ABCA13: variants seen among roughly 807,000 people sequenced by gnomAD.
ABCA13 encodes the protein ATP-binding cassette sub-family A member 13.
Under a neutral mutation model 478.7 loss-of-function variants are expected in ABCA13, and 476 were observed. The observed-to-expected ratio is 0.99, with a 90% CI of 0.92 to 1.07. The LOEUF is 1.07. Among genes scored for constraint, ABCA13 ranks in the 50% least tolerant of loss-of-function variants. ABCA13 has a pLI of 0.00. For missense variants in ABCA13, 6,060 were observed against 5,910.6 expected (o/e 1.03, Z -0.83); for synonymous variants, 2,252 against 2,158.9 (o/e 1.04, Z -1.20).
chr7:48,529,162 C>T (rs1423634612), intron 55 of ABCA13, among the ~76,000 whole-genome samples: 3 of 152,170 alleles, frequency 2.0e-5, no homozygotes, highest in African/African-American at 7.2e-5. Context: ...ATGTTTCTCT[C>T]TACTGCAAGA....
intron 19 of ABCA13, among the ~76,000 whole-genome samples, chr7:48,285,119 C>T (rs1019427197): frequency 5.9e-5 from 9 of 152,088 alleles, no homozygotes; most frequent in African/African-American, 1.9e-4. Context: ...TTCCAGTTTC[C>T]CTAATTGACG....
chr7:48,538,121 G>A lies in ABCA13; in HGVS notation c.14354+9776G>A, dbSNP rs1484262505. Among the ~76,000 whole-genome samples, 11 of 114,986 alleles carry A rather than the reference G, an allele frequency of 9.6e-5. No individual in the cohort carries two copies. The Admixed American group carries it at 1.1e-3, about 12-fold the overall frequency. The allele number at this position is 114,986 out of a possible 152,430, so 75.4% of individuals were successfully genotyped here. A position where few individuals can be genotyped will look rare whatever the true frequency, so the allele number is the denominator to read the frequency against. On this transcript the variant is annotated intron_variant, in intron 55 of 61. Coordinates refer to ENST00000435803, the MANE Select transcript of ABCA13 (RefSeq NM_152701.5). ...TTTCCTTTTTTTTTTTTTTTTTTGA[G>A]GTGGAGTCTTGCTCTAGCACCCAGC...
intron 51 of ABCA13, among the ~76,000 whole-genome samples, chr7:48,516,307 T>C (rs1447297426): frequency 6.6e-6 from 1 of 152,174 alleles, no homozygotes; most frequent in African/African-American, 2.4e-5. Flanking sequence ...GGATGAAATC[T>C]TGTACTGTCT....
chr7:48,296,080 A>G (rs571844521), intron 21 of ABCA13, among the ~76,000 whole-genome samples: 2 of 152,332 alleles, frequency 1.3e-5, no homozygotes, highest in Non-Finnish European at 1.5e-5. Flanking sequence ...TTTATTGGCG[A>G]TAAAGATATT....
chr7:48,581,810 G>C (rs192480892), intron 56 of ABCA13, among the ~76,000 whole-genome samples: 3 of 152,090 alleles, frequency 2.0e-5, no homozygotes, highest in Non-Finnish European at 4.4e-5. Flanking sequence ...ACTTGCTCTT[G>C]TTTCTAAGAT....
At chr7:48,483,497 A>C (rs1828987720) in intron 47 of ABCA13, among the ~76,000 whole-genome samples, 1 of 152,248 alleles carries the variant, frequency 6.6e-6, no homozygotes, top group Non-Finnish European at 1.5e-5. Context: ...ACTTCCATTC[A>C]TGAATGTAAA....
intron 56 of ABCA13, among the ~76,000 whole-genome samples, chr7:48,580,757 G>A (rs1364104538): frequency 1.3e-5 from 2 of 152,118 alleles, no homozygotes; most frequent in Admixed American, 1.3e-4. Context: ...GAAAGTGTGG[G>A]CACAAATTAT....
At chr7:48,447,787 G>A (rs1295565336) in intron 42 of ABCA13, among the ~76,000 whole-genome samples, 1 of 152,158 alleles carries the variant, frequency 6.6e-6, no homozygotes, top group African/African-American at 2.4e-5. Flanking sequence ...TTGGGCTGGG[G>A]AGTGAGATTA....
chr7:48,335,628 T>A, intron 28 of ABCA13, 93 bp downstream of exon 28: 1 of 891,748 alleles, frequency 1.1e-6, no homozygotes. Context: ...TTCTACAGAG[T>A]CACATCAGGC....
At position 48,274,542 on chromosome 7, in the gene ABCA13, A is replaced by T. The variant is rs1486241473; in HGVS notation, c.4876A>T (p.Lys1626Ter). 3.1e-6 allele frequency: 5 copies of T among 1,613,804 alleles called. No individual in the cohort carries two copies. Among genetic ancestry groups the T allele is most frequent in the Non-Finnish European group, 4.2e-6 (5 of 1,179,854 alleles). Residue 1626 changes from lysine to a stop codon, truncating the protein, a stop_gained, in exon 17 of 62, where the codon AAA (lysine) becomes TAA (stop). Coordinates refer to ENST00000435803, the MANE Select transcript of ABCA13 (RefSeq NM_152701.5). LOFTEE classifies it high-confidence loss of function. ...AATAATAATTTCACCTGAAATAATG[A>T]AAGCTACAGGTCTTGGTATTCAACT... ...PKIIISPEIM[K>*]ATGLGIQLIR...
chr7:48,561,194 G>A (rs1786421356), intron 55 of ABCA13, among the ~76,000 whole-genome samples: 1 of 152,094 alleles, frequency 6.6e-6, no homozygotes, highest in Admixed American at 6.6e-5. Flanking sequence ...GAATAGCGCT[G>A]CAATGAACAT....
intron 29 of ABCA13, among the ~76,000 whole-genome samples, chr7:48,343,647 A>G (rs1234875019): frequency 6.6e-6 from 1 of 151,306 alleles, no homozygotes; most frequent in East Asian, 1.9e-4. Flanking sequence ...GGTTATATGG[A>G]TAAGTTCTTT....
intron 50 of ABCA13, 56 bp from the exon 51 acceptor site, chr7:48,511,028 A>G: frequency 7.3e-7 from 1 of 1,360,654 alleles, no homozygotes; most frequent in Non-Finnish European, 1.0e-6. Context: ...AGTAGATGAT[A>G]ATAAATATGA....
rs183047296 is a variant in ABCA13 at position 48,507,067 on chromosome 7, G to A, written c.13346+677G>A. On this transcript the variant is annotated intron_variant, in intron 49 of 61. Transcript: ENST00000435803. ...TCAAGTTGTTAATCTGGCAGGAACC[G>A]GCAGGAAGCACCGGTTGGGTTGCAG... Among the ~76,000 whole-genome samples, 14 of 152,296 alleles carry A rather than the reference G, an allele frequency of 9.2e-5. No individual in the cohort carries two copies. In the East Asian group the frequency reaches 1.7e-3, roughly 19 times the overall value.
chr7:48,520,264 T>G lies in ABCA13; in HGVS notation c.14021T>G (p.Leu4674Arg), dbSNP rs1832451098. The G allele has an allele frequency of 6.2e-7, 1 of 1,613,236 alleles. No individual in the cohort carries two copies. The highest frequency in any genetic ancestry group is 8.5e-7 in the Non-Finnish European group (1 of 1,179,518). Residue 4674 changes from leucine to arginine, a missense_variant, in exon 53 of 62, where the codon CTG (leucine) becomes CGG (arginine). By Grantham distance (102) the Leu-to-Arg change is moderately radical (BLOSUM62 -2). This residue lies in a region of ABCA13 where 1,627 missense variants were observed against 1,571.0 expected (regional missense o/e 1.04). Transcript: ENST00000435803. The part of the protein sequence containing the change: ...QGTVLLLLRV[L>R]LHWDLLRWPR... Reference sequence around the variant, plus strand: ...ACAGTACTTCTCCTCTTGAGGGTTCTGCTACACTGGGACCTTCTGCGATGG... The same window carrying G: ...ACAGTACTTCTCCTCTTGAGGGTTCGGCTACACTGGGACCTTCTGCGATGG...
chr7:48,360,295 T>C (rs1810624384), intron 31 of ABCA13, among the ~76,000 whole-genome samples: 1 of 151,538 alleles, frequency 6.6e-6, no homozygotes, highest in South Asian at 2.1e-4. Context: ...AGTGTTTGGT[T>C]TTCTGTCCGT....
intron 42 of ABCA13, among the ~76,000 whole-genome samples, chr7:48,430,660 C>G (rs918802483): frequency 8.5e-6 from 1 of 117,340 alleles, no homozygotes; most frequent in Non-Finnish European, 1.6e-5. Context: ...GGCGACAGAG[C>G]AAGACTCCGT....
At chr7:48,510,596 G>A (rs1323352007) in intron 50 of ABCA13, among the ~76,000 whole-genome samples, 1 of 152,170 alleles carries the variant, frequency 6.6e-6, no homozygotes, top group Non-Finnish European at 1.5e-5. Flanking sequence ...CACAGGCTGG[G>A]TAGCTTCACC....
At chr7:48,399,576 T>C (rs1238418369) in intron 38 of ABCA13, among the ~76,000 whole-genome samples, 2 of 152,180 alleles carry the variant, frequency 1.3e-5, no homozygotes, top group Non-Finnish European at 2.9e-5. Flanking sequence ...TTACAAGGTC[T>C]AGGATGTAAC....
Sources: allele counts gnomAD v4.1 joint callset (sites outside exome capture counted in the v4.1 genomes callset), GRCh38; gene constraint gnomAD v4.1.1; regional missense constraint gnomAD v4.1.1; transcripts MANE v1.5; gene names NCBI Gene and HGNC (gene_info 2026-07-23, HGNC 2026-07-21).